ARHGAP20: variants seen among roughly 807,000 people sequenced by gnomAD.
The protein encoded by ARHGAP20 is Rho GTPase activating protein 20.
ARHGAP20 carries 34 observed loss-of-function variants against 73.7 expected under a neutral mutation model. That is an observed-to-expected ratio of 0.46 (90% CI 0.35 to 0.61). ARHGAP20 has a LOEUF of 0.61. ARHGAP20 is among the 20% of genes least tolerant of loss of function. The pLI, the probability that ARHGAP20 is intolerant of heterozygous loss-of-function variation, is 0.00. For missense variants in ARHGAP20, 1,314 were observed against 1,420.9 expected (o/e 0.92, Z 1.21); for synonymous variants, 523 against 518.2 (o/e 1.01, Z -0.13).
intron 12 of ARHGAP20, among the ~76,000 whole-genome samples, chr11:110,585,880 T>C (rs917683810): frequency 4.6e-5 from 7 of 152,178 alleles, no homozygotes; most frequent in African/African-American, 1.4e-4. Flanking sequence ...ATTTTCTCTG[T>C]ATGACTTCAG....
At chr11:110,631,016 T>C (rs540366586) in intron 2 of ARHGAP20, among the ~76,000 whole-genome samples, 1 of 152,302 alleles carries the variant, frequency 6.6e-6, no homozygotes, top group African/African-American at 2.4e-5. Flanking sequence ...TCAATATAGA[T>C]TCTACCATTA....
intron 4 of ARHGAP20, among the ~76,000 whole-genome samples, chr11:110,621,730 A>G (rs1488605217): frequency 6.6e-6 from 1 of 152,214 alleles, no homozygotes; most frequent in African/African-American, 2.4e-5. Context: ...TGGTAATTCA[A>G]CATATGAATC....
chr11:110,579,890 T>A lies in ARHGAP20; in HGVS notation c.3056A>T (p.Asp1019Val), dbSNP rs1380988239. Residue 1019 changes from aspartate to valine, a missense_variant, in exon 15 of 15, where the codon GAC becomes GTC. Physicochemically the swap from Asp to Val is radical, Grantham distance 152. This residue lies in a region of ARHGAP20 where 641 missense variants were observed against 636.9 expected (regional missense o/e 1.01). Transcript: ENST00000683387. ...ACSRPAYTKK[D>V]TMEWHSQMHS... ...CATTTGTGAATGCCACTCCATGGTG[T>A]CCTTCTTTGTATAGGCTGGGCGGCT... 6.2e-7 allele frequency: 1 copy of A among 1,614,250 alleles called. No homozygotes were observed. Among genetic ancestry groups the A allele is most frequent in the Non-Finnish European group, 8.5e-7 (1 of 1,180,038 alleles).
At chr11:110,591,647 T>C (rs1188482232) in intron 10 of ARHGAP20, among the ~76,000 whole-genome samples, 1 of 151,996 alleles carries the variant, frequency 6.6e-6, no homozygotes, top group Admixed American at 6.5e-5. Flanking sequence ...TAGTTTCTGT[T>C]GCTACAATGA....
intron 2 of ARHGAP20, among the ~76,000 whole-genome samples, chr11:110,678,201 T>C (rs1949970538): frequency 6.6e-6 from 1 of 152,090 alleles, no homozygotes; most frequent in Non-Finnish European, 1.5e-5. Flanking sequence ...TGCTTAGAGC[T>C]GGGGATGTGG....
chr11:110,577,273 G>T lies in ARHGAP20; in HGVS notation c.*2097C>A, dbSNP rs961695048. On this transcript the variant is annotated 3_prime_UTR_variant, in exon 15 of 15. Transcript: ENST00000683387. ...CAGTCTAATATATTATAGATTGATG[G>T]AGTATAATAAAATGACATATAGTCT... 40 of 1,395,090 alleles carry T rather than the reference G, an allele frequency of 2.9e-5. No individual in the cohort carries two copies. The highest frequency in any genetic ancestry group is 3.6e-5 in the Non-Finnish European group (39 of 1,071,274). 86.4% of individuals were successfully genotyped at this position (1,395,090 alleles called of 1,614,324 possible). A position where few individuals can be genotyped will look rare whatever the true frequency, so the allele number is the denominator to read the frequency against.
At chr11:110,682,216 G>A (rs1032011927) in intron 2 of ARHGAP20, among the ~76,000 whole-genome samples, 1 of 152,100 alleles carries the variant, frequency 6.6e-6, no homozygotes, top group Non-Finnish European at 1.5e-5. Flanking sequence ...CTCTCTATGA[G>A]AATGTGTACT....
chr11:110,648,172 AATATATATATATATATGTAAAT>A, intron 2 of ARHGAP20, among the ~76,000 whole-genome samples: 1 of 91,564 alleles, frequency 1.1e-5, no homozygotes, highest in African/African-American at 4.2e-5. Context: ...TATATATGTA[AATATATATATATATATGTAAAT>A]ATATATATAT....
intron 2 of ARHGAP20, among the ~76,000 whole-genome samples, chr11:110,685,948 T>C (rs1280297688): frequency 3.3e-5 from 5 of 152,196 alleles, no homozygotes; most frequent in Non-Finnish European, 7.4e-5. Context: ...AGAATTTTGC[T>C]GTATAAAGTA....
chr11:110,634,638 T>C (rs1172865052), intron 2 of ARHGAP20, among the ~76,000 whole-genome samples: 1 of 152,170 alleles, frequency 6.6e-6, no homozygotes, highest in Non-Finnish European at 1.5e-5. Flanking sequence ...GCAAGTTATC[T>C]GGTTGGCTTA....
chr11:110,711,667 C>G (rs1021102124), intron 1 of ARHGAP20: 3 of 1,462,530 alleles, frequency 2.1e-6, no homozygotes, highest in Non-Finnish European at 2.7e-6. Flanking sequence ...CCTTCTTCAG[C>G]GCCGGCTGCC....
chr11:110,658,070 A>G (rs906336031), intron 2 of ARHGAP20, among the ~76,000 whole-genome samples: 2 of 152,280 alleles, frequency 1.3e-5, no homozygotes, highest in Admixed American at 1.3e-4. Flanking sequence ...AACTTGACCT[A>G]CCACTTAAAG....
chr11:110,578,972 T>G lies in ARHGAP20; in HGVS notation c.*398A>C. 5.1e-6 allele frequency: 5 copies of G among 988,752 alleles called. No homozygotes were observed. The highest frequency in any genetic ancestry group is 4.8e-6 in the Non-Finnish European group (4 of 832,106). 61.2% of individuals were successfully genotyped at this position (988,752 alleles called of 1,614,324 possible). The stretch of plus-strand genomic sequence containing the variant: ...AAACATTCCATGGAATGTAGATGGT[T>G]TCTCTGTACCCTTCCCCTCTCTCCT... On this transcript the variant is annotated 3_prime_UTR_variant, in exon 15 of 15. Transcript: ENST00000683387.
intron 1 of ARHGAP20, 134 bp downstream of exon 1, chr11:110,711,993 T>C: frequency 4.8e-6 from 6 of 1,239,134 alleles, no homozygotes; most frequent in Non-Finnish European, 5.0e-6. Context: ...GGACTCTCAT[T>C]AGGGGCCGCG....
chr11:110,703,883 T>C (rs899720477), intron 1 of ARHGAP20, among the ~76,000 whole-genome samples: 15 of 152,166 alleles, frequency 9.9e-5, no homozygotes, highest in Admixed American at 5.2e-4. Context: ...TTTCACATAA[T>C]GTTCCATACA....
intron 2 of ARHGAP20, among the ~76,000 whole-genome samples, chr11:110,672,853 T>C (rs770569996): frequency 6.6e-6 from 1 of 152,194 alleles, no homozygotes; most frequent in Admixed American, 6.5e-5. Context: ...AAACATTACA[T>C]GACCTAGTAA....
At chr11:110,628,313 C>T (rs550033405) in intron 3 of ARHGAP20, among the ~76,000 whole-genome samples, 2 of 152,242 alleles carry the variant, frequency 1.3e-5, no homozygotes, top group Admixed American at 6.5e-5. Context: ...AACACTCAAT[C>T]CTTCATCCAA....
chr11:110,580,078 A>T lies in ARHGAP20; in HGVS notation c.2868T>A (p.Ala956=), dbSNP rs772942575. ...SGSSVSSQDS[A]FSQISEHSVF... ...CAGAGTGTTCAGAAATCTGAGAAAA[A>T]GCACTGTCTTGGGAGCTTACTGATG... Residue 956 remains alanine, a synonymous_variant, in exon 15 of 15, where the codon GCT becomes GCA. Transcript: ENST00000683387. 1.9e-6 allele frequency: 3 copies of T among 1,614,188 alleles called. No homozygotes were observed. The highest frequency in any genetic ancestry group is 2.5e-6 in the Non-Finnish European group (3 of 1,180,024).
intron 2 of ARHGAP20, among the ~76,000 whole-genome samples, chr11:110,654,064 G>A (rs538006009): frequency 6.6e-6 from 1 of 152,098 alleles, no homozygotes; most frequent in Admixed American, 6.6e-5. Flanking sequence ...GTGGTGGAGA[G>A]GGGGAGCATC....
Sources: gnomAD v4.1 joint callset for allele counts (sites outside exome capture counted in the v4.1 genomes callset) on GRCh38, gnomAD v4.1.1 for gene constraint, gnomAD v4.1.1 regional missense constraint, MANE v1.5 for transcripts, NCBI Gene and HGNC (gene_info 2026-07-23, HGNC 2026-07-21) for gene names.